Variants in CHST9 observed in about 807,000 individuals in gnomAD.
CHST9 encodes carbohydrate sulfotransferase 9.
CHST9 carries 41 observed loss-of-function variants against 44.4 expected under a neutral mutation model. The observed-to-expected ratio is 0.92, with a 90% CI of 0.72 to 1.20. The LOEUF is 1.20. CHST9 is among the 50% of genes most tolerant of loss of function. The pLI is 0.00. For synonymous variants in CHST9, 171 were observed against 178.4 expected, an observed-to-expected ratio of 0.96 and a Z score of 0.33; for missense variants, 504 against 516.5, an observed-to-expected ratio of 0.98 and a Z score of 0.23.
intron 2 of CHST9, among the ~76,000 whole-genome samples, chr18:27,063,490 C>A (rs2057748573): frequency 6.6e-6 from 1 of 152,084 alleles, no homozygotes; most frequent in Non-Finnish European, 1.5e-5. Flanking sequence ...TGAAGAAATT[C>A]TTTTTAAAAA....
chr18:26,981,146 T>C (rs538832013), intron 4 of CHST9, among the ~76,000 whole-genome samples: 6 of 152,340 alleles, frequency 3.9e-5, no homozygotes, highest in East Asian at 1.9e-4. Context: ...ATTGGGAAAT[T>C]AGAATTGGTT....
At chr18:27,184,573 C>T (rs2058940438) in intron 1 of CHST9, among the ~76,000 whole-genome samples, 1 of 152,086 alleles carries the variant, frequency 6.6e-6, no homozygotes, top group South Asian at 2.1e-4. Context: ...CCCCTAACTT[C>T]CCTCCCACCT....
intron 4 of CHST9, among the ~76,000 whole-genome samples, chr18:26,948,884 T>G (rs1158253186): frequency 6.6e-6 from 1 of 151,980 alleles, no homozygotes. Flanking sequence ...TGTGTGTGGG[T>G]GAATCGTGAG....
chr18:27,067,473 TA>T (rs1175539353), intron 2 of CHST9, among the ~76,000 whole-genome samples: 3 of 151,910 alleles, frequency 2.0e-5, no homozygotes, highest in Non-Finnish European at 2.9e-5. Flanking sequence ...AATAAATAAA[TA>T]AAGGGCTTTC....
chr18:27,129,288 T>C (rs1424690531), intron 2 of CHST9, among the ~76,000 whole-genome samples: 2 of 152,226 alleles, frequency 1.3e-5, no homozygotes, highest in Non-Finnish European at 2.9e-5. Context: ...TATACTTCTT[T>C]GGTCTGTGAT....
chr18:26,993,799 T>TA (rs2056852941), intron 4 of CHST9, among the ~76,000 whole-genome samples: 1 of 152,212 alleles, frequency 6.6e-6, no homozygotes, highest in Non-Finnish European at 1.5e-5. Flanking sequence ...ATTCTGATCA[T>TA]AAAATAACAA....
Position 27,111,961 on chromosome 18 carries a change from T to G in CHST9, c.121+30728A>C, listed in dbSNP as rs79025129. Reference sequence around the variant, plus strand: ...GACCTTCAAATTATACCATCAGCTTTCCTGGGTCTCCAGCTTACAGATGGC... The same window carrying G: ...GACCTTCAAATTATACCATCAGCTTGCCTGGGTCTCCAGCTTACAGATGGC... On this transcript the variant is annotated intron_variant, in intron 2 of 5. Coordinates refer to ENST00000618847, the MANE Select transcript of CHST9 (RefSeq NM_031422.6). 6.6e-3 allele frequency among the ~76,000 whole-genome samples: 1,008 copies of G among 152,182 alleles called. 17 individuals are homozygous for G. The highest frequency in any genetic ancestry group is 0.021 in the African/African-American group (887 of 41,538).
chr18:26,921,435 C>T (rs868732943), intron 5 of CHST9, among the ~76,000 whole-genome samples: 4 of 152,162 alleles, frequency 2.6e-5, no homozygotes, highest in East Asian at 1.9e-4. Context: ...GGTTAATTCT[C>T]TAAAGTAATG....
At chr18:27,071,355 C>T (rs549212115) in intron 2 of CHST9, among the ~76,000 whole-genome samples, 2 of 152,220 alleles carry the variant, frequency 1.3e-5, no homozygotes, top group Admixed American at 6.5e-5. Context: ...CAGCCCTGAA[C>T]TATAAAACTG....
chr18:27,038,179 A>T lies in CHST9; in HGVS notation c.160+10286T>A, dbSNP rs964002063. Among the ~76,000 whole-genome samples, 6 of 152,338 alleles carry T rather than the reference A, an allele frequency of 3.9e-5. 1 individual carries two copies. In the South Asian group the frequency reaches 1.2e-3, roughly 32 times the overall value. The stretch of plus-strand genomic sequence containing the variant: ...TTATGTTTTAGATAAACACTAGAAA[A>T]GTAAATTTTAAAAATGAATTCATGT... On this transcript the variant is annotated intron_variant, in intron 3 of 5. Transcript: ENST00000618847.
intron 4 of CHST9, among the ~76,000 whole-genome samples, chr18:27,006,190 TCA>T (rs1184082209): frequency 2.0e-5 from 3 of 152,162 alleles, no homozygotes; most frequent in Non-Finnish European, 2.9e-5. Flanking sequence ...AAAATAGATC[TCA>T]GTCTGTGCCC....
intron 2 of CHST9, among the ~76,000 whole-genome samples, chr18:27,078,731 T>C (rs1490381879): frequency 1.3e-5 from 2 of 152,106 alleles, no homozygotes; most frequent in Non-Finnish European, 2.9e-5. Context: ...CATCTCTGTA[T>C]AAAGAGCTGA....
At chr18:27,171,079 A>G (rs1208013763) in intron 1 of CHST9, among the ~76,000 whole-genome samples, 1 of 152,236 alleles carries the variant, frequency 6.6e-6, no homozygotes, top group Non-Finnish European at 1.5e-5. Context: ...CAAAATCACA[A>G]CACAGTGTTA....
intron 5 of CHST9, among the ~76,000 whole-genome samples, chr18:26,919,007 C>A (rs759053741): frequency 6.6e-6 from 1 of 152,092 alleles, no homozygotes; most frequent in Non-Finnish European, 1.5e-5. Flanking sequence ...GAGCAAAGGC[C>A]TGTCTTATAT....
chr18:26,973,091 C>T (rs1159129446), intron 4 of CHST9, among the ~76,000 whole-genome samples: 1 of 152,122 alleles, frequency 6.6e-6, no homozygotes, highest in African/African-American at 2.4e-5. Flanking sequence ...AAATGTCTCC[C>T]GTTGGAGAGG....
At chr18:26,918,052 G>A (rs1487475864) in intron 5 of CHST9, among the ~76,000 whole-genome samples, 1 of 152,132 alleles carries the variant, frequency 6.6e-6, no homozygotes, top group Non-Finnish European at 1.5e-5. Flanking sequence ...CTATAAAACT[G>A]TATCAAGGTA....
intron 1 of CHST9, among the ~76,000 whole-genome samples, chr18:27,183,084 C>T (rs1396179629): frequency 2.0e-5 from 3 of 149,898 alleles, no homozygotes; most frequent in Non-Finnish European, 4.4e-5. Flanking sequence ...TGCAGCTGCA[C>T]TAATTTCTAG....
chr18:27,010,719 T>G (rs879497674), intron 4 of CHST9, among the ~76,000 whole-genome samples: 11 of 152,222 alleles, frequency 7.2e-5, no homozygotes, highest in Non-Finnish European at 1.5e-4. Context: ...CTATCATTAC[T>G]GTGTATTTTG....
intron 5 of CHST9, chr18:26,924,502 T>A (rs2055725797): frequency 4.7e-6 from 2 of 422,914 alleles, no homozygotes; most frequent in Non-Finnish European, 6.3e-6. Context: ...TTCATGGGCC[T>A]TGAAGGCACT....
Sources: gnomAD v4.1 joint callset for allele counts (sites outside exome capture counted in the v4.1 genomes callset) on GRCh38, gnomAD v4.1.1 for gene constraint, MANE v1.5 for transcripts, NCBI Gene and HGNC (gene_info 2026-07-23, HGNC 2026-07-21) for gene names.